The following SEMA3A variants were observed in gnomAD, a reference collection of about 807,000 sequenced individuals.
SEMA3A encodes the protein semaphorin 3A.
SEMA3A carries 29 observed loss-of-function variants against 97.9 expected under a neutral mutation model. That is an observed-to-expected ratio of 0.30 (90% CI 0.22 to 0.40). SEMA3A has a LOEUF of 0.40. Ranked by LOEUF, SEMA3A falls within the 10% of genes least tolerant of loss-of-function variation. The pLI, the probability that SEMA3A is intolerant of heterozygous loss-of-function variation, is 1.00. For missense variants in SEMA3A, 763 were observed against 951.3 expected, an observed-to-expected ratio of 0.80 and a Z score of 2.60; for synonymous variants, 321 against 323.7, an observed-to-expected ratio of 0.99 and a Z score of 0.09.
rs183037682 is a variant in SEMA3A at position 84,101,893 on chromosome 7, G to A, written c.453+8577C>T. ...ATAAAAACTCTAAATTTCAAAGGCA[G>A]TACAAAAAATAATGTCAATGTTATT... On this transcript the variant is annotated intron_variant, in intron 4 of 16. Coordinates refer to ENST00000265362, the MANE Select transcript of SEMA3A (RefSeq NM_006080.3). Among the ~76,000 whole-genome samples the A allele has an allele frequency of 4.5e-3, 681 of 151,708 alleles. 2 individuals carry two copies. The highest frequency in any genetic ancestry group is 0.015 in the African/African-American group (641 of 41,408).
intron 5 of SEMA3A, among the ~76,000 whole-genome samples, chr7:84,056,183 T>C (rs1338759062): frequency 6.6e-6 from 1 of 152,224 alleles, no homozygotes; most frequent in Non-Finnish European, 1.5e-5. Flanking sequence ...GAAGCTTTCT[T>C]AACTCTCTCA....
intron 3 of SEMA3A, among the ~76,000 whole-genome samples, chr7:84,266,383 C>CCATTT (rs1345973450): frequency 6.6e-6 from 1 of 150,504 alleles, no homozygotes; most frequent in Non-Finnish European, 1.5e-5. Context: ...AAACAAGAGG[C>CCATTT]CATTTTAGCA....
At chr7:84,131,769 AAATTATTTATT>A (rs1290738489) in intron 2 of SEMA3A, among the ~76,000 whole-genome samples, 2 of 121,242 alleles carry the variant, frequency 1.6e-5, no homozygotes, top group Non-Finnish European at 3.3e-5. Context: ...ATGTATAAAC[AAATTATTTATT>A]TATTTATTTA....
At chr7:84,236,065 C>G (rs1799229306) in intron 3 of SEMA3A, among the ~76,000 whole-genome samples, 1 of 152,122 alleles carries the variant, frequency 6.6e-6, no homozygotes. Context: ...ACAAAACCAG[C>G]CTGATGTCAC....
intron 1 of SEMA3A, among the ~76,000 whole-genome samples, chr7:84,188,377 G>T (rs1481426237): frequency 6.6e-6 from 1 of 151,850 alleles, no homozygotes; most frequent in East Asian, 1.9e-4. Context: ...TTATGTCTTG[G>T]CAATAGTGGG....
chr7:84,403,583 G>A (rs537925737), intron 1 of SEMA3A, among the ~76,000 whole-genome samples: 5 of 152,260 alleles, frequency 3.3e-5, no homozygotes, highest in East Asian at 3.9e-4. Context: ...ATCTGAGAAC[G>A]GGCAGACTGC....
chr7:84,218,443 G>T (rs932323497), intron 3 of SEMA3A, among the ~76,000 whole-genome samples: 10 of 151,998 alleles, frequency 6.6e-5, no homozygotes, highest in Non-Finnish European at 1.5e-4. Flanking sequence ...AAGGATTATT[G>T]TTTCATAATC....
intron 3 of SEMA3A, among the ~76,000 whole-genome samples, chr7:84,297,948 C>T (rs1800909177): frequency 6.6e-6 from 1 of 152,156 alleles, no homozygotes; most frequent in Non-Finnish European, 1.5e-5. Context: ...TGCAGATAAT[C>T]CCAAGGCATC....
chr7:83,993,146 C>CT lies in SEMA3A; in HGVS notation c.1453-7670dup, dbSNP rs1270585168. Among the ~76,000 whole-genome samples the CT allele has an allele frequency of 7.8e-5, 11 of 140,298 alleles. No homozygotes were observed. In the South Asian group the frequency reaches 1.7e-3, roughly 22 times the overall value. The allele number at this position is 140,298 out of a possible 152,430, so 92.0% of individuals were successfully genotyped here. A position where few individuals can be genotyped will look rare whatever the true frequency, so the allele number is the denominator to read the frequency against. On this transcript the variant is annotated intron_variant, in intron 12 of 16. Coordinates refer to ENST00000265362, the MANE Select transcript of SEMA3A (RefSeq NM_006080.3). ...CAGAGACTAGGATTGCAACCCCTGC[C>CT]TTTTTTTGTTTTCCATTTGCTTGGT... is the stretch of plus-strand genomic sequence containing the variant.
chr7:83,966,463 A>T (rs1460416134), intron 15 of SEMA3A, among the ~76,000 whole-genome samples: 1 of 152,184 alleles, frequency 6.6e-6, no homozygotes, highest in Non-Finnish European at 1.5e-5. Context: ...GTTTGCTTTG[A>T]TAACTACTCT....
intron 3 of SEMA3A, among the ~76,000 whole-genome samples, chr7:84,305,879 T>C (rs1476726044): frequency 6.6e-6 from 1 of 151,830 alleles, no homozygotes; most frequent in East Asian, 1.9e-4. Context: ...CTGAAAATTA[T>C]TCTAGCCAAA....
At chr7:84,121,010 T>A (rs986219572) in intron 3 of SEMA3A, among the ~76,000 whole-genome samples, 2 of 152,138 alleles carry the variant, frequency 1.3e-5, no homozygotes, top group African/African-American at 4.8e-5. Flanking sequence ...AAAACCTAAA[T>A]ATTTTATAAT....
Position 84,491,113 on chromosome 7 carries a change from T to C in SEMA3A, c.-246+1347A>G, listed in dbSNP as rs368154444. Among the ~76,000 whole-genome samples the C allele has an allele frequency of 1.4e-4, 21 of 152,300 alleles. No individual in the cohort carries two copies. In the East Asian group the frequency reaches 2.3e-3, roughly 17 times the overall value. Reference sequence around the variant, plus strand: ...ATCCAAGCTAAATCATTTCTGAATATACACAAAGGAGTCATCAGGATTCTA... The same window carrying C: ...ATCCAAGCTAAATCATTTCTGAATACACACAAAGGAGTCATCAGGATTCTA... On this transcript the variant is annotated intron_variant, in intron 1 of 3. Coordinates refer to the SEMA3A transcript ENST00000424555.
intron 1 of SEMA3A, among the ~76,000 whole-genome samples, chr7:84,444,655 G>A (rs1038650370): frequency 4.7e-5 from 7 of 148,898 alleles, no homozygotes; most frequent in Admixed American, 1.4e-4. Context: ...TCCCCCTCCC[G>A]GCTTCACGCC....
intron 3 of SEMA3A, among the ~76,000 whole-genome samples, chr7:84,287,194 A>G (rs1247684842): frequency 6.6e-6 from 1 of 152,086 alleles, no homozygotes; most frequent in African/African-American, 2.4e-5. Flanking sequence ...GGTTGTTTCA[A>G]TATGAATTTT....
chr7:84,431,562 G>T (rs755966511), intron 1 of SEMA3A, among the ~76,000 whole-genome samples: 3 of 151,430 alleles, frequency 2.0e-5, no homozygotes, highest in Non-Finnish European at 4.4e-5. Context: ...ATCTCCTCAG[G>T]ATAATATGAG....
intron 4 of SEMA3A, among the ~76,000 whole-genome samples, chr7:84,089,750 T>G (rs993814717): frequency 5.3e-5 from 8 of 152,032 alleles, no homozygotes; most frequent in Non-Finnish European, 1.2e-4. Flanking sequence ...GGTAAATATA[T>G]GTATACAGAT....
At position 84,459,143 on chromosome 7, in the gene SEMA3A, A is replaced by G. The variant is rs577654585; in HGVS notation, c.-246+33317T>C. Among the ~76,000 whole-genome samples the G allele has an allele frequency of 5.3e-5, 8 of 152,264 alleles. No homozygotes were observed. The East Asian group carries it at 5.8e-4, about 11-fold the overall frequency. ...CCCCTAAGGACCCATTACTTTTCCAACATGTGACTTACTGTCATGTTGCAG... is the reference window on the plus strand; with the variant it reads ...CCCCTAAGGACCCATTACTTTTCCAGCATGTGACTTACTGTCATGTTGCAG... On this transcript the variant is annotated intron_variant, in intron 1 of 3. Coordinates refer to the SEMA3A transcript ENST00000424555.
chr7:84,387,285 T>C (rs1240665654), intron 1 of SEMA3A, among the ~76,000 whole-genome samples: 1 of 152,048 alleles, frequency 6.6e-6, no homozygotes, highest in African/African-American at 2.4e-5. Flanking sequence ...AATAAATAAA[T>C]AAATAAATAA....
Sources: gnomAD v4.1 joint callset for allele counts (sites outside exome capture counted in the v4.1 genomes callset) on GRCh38, gnomAD v4.1.1 for gene constraint, MANE v1.5 for transcripts, NCBI Gene and HGNC (gene_info 2026-07-23, HGNC 2026-07-21) for gene names.